Variants in YAF2 observed in about 807,000 individuals in gnomAD.
YAF2 encodes the protein YY1-associated factor 2.
YAF2 carries 7 observed loss-of-function variants against 20.1 expected under a neutral mutation model. That is an observed-to-expected ratio of 0.35 (90% CI 0.20 to 0.65). The LOEUF is 0.65. Among genes scored for constraint, YAF2 ranks in the 30% least tolerant of loss-of-function variants. The pLI is 0.69. For missense variants in YAF2, 151 were observed against 219.2 expected (o/e 0.69, Z 1.96); for synonymous variants, 74 against 76.0 (o/e 0.97, Z 0.14).
intron 2 of YAF2, among the ~76,000 whole-genome samples, chr12:42,189,404 A>G (rs2066555769): frequency 6.6e-6 from 1 of 152,226 alleles, no homozygotes; most frequent in African/African-American, 2.4e-5. Context: ...GTTTTTGCAG[A>G]TATTTGAAAT....
At chr12:42,236,487 G>A (rs1259814091) in intron 2 of YAF2, among the ~76,000 whole-genome samples, 1 of 152,150 alleles carries the variant, frequency 6.6e-6, no homozygotes, top group Non-Finnish European at 1.5e-5. Flanking sequence ...CAAAACCAGC[G>A]AGCTTCACTG....
intron 2 of YAF2, among the ~76,000 whole-genome samples, chr12:42,169,527 T>C (rs712114): frequency 0.7 from 105,919 of 151,680 alleles, 38,029 homozygotes; most frequent in African/African-American, 0.86. Flanking sequence ...AATCCTCCCC[T>C]CTCAGCCTCC....
At chr12:42,193,859 C>A (rs1207643184) in intron 2 of YAF2, among the ~76,000 whole-genome samples, 1 of 152,162 alleles carries the variant, frequency 6.6e-6, no homozygotes, top group Non-Finnish European at 1.5e-5. Flanking sequence ...TCCTGAAGAC[C>A]TTCCAGTGGG....
At chr12:42,162,596 T>A (rs1274605997) in intron 2 of YAF2, among the ~76,000 whole-genome samples, 1 of 152,214 alleles carries the variant, frequency 6.6e-6, no homozygotes, top group Non-Finnish European at 1.5e-5. Context: ...AAATACATTT[T>A]AACAGATGCT....
intron 2 of YAF2, chr12:42,210,559 T>C (rs2067178147): frequency 6.5e-7 from 1 of 1,536,060 alleles, no homozygotes; most frequent in Non-Finnish European, 8.7e-7. Context: ...TTCCTGAAAT[T>C]GGAAATTTCA....
At chr12:42,195,073 C>T (rs780470180) in intron 2 of YAF2, among the ~76,000 whole-genome samples, 8 of 152,048 alleles carry the variant, frequency 5.3e-5, no homozygotes, top group African/African-American at 9.7e-5. Flanking sequence ...TACAGTTCAG[C>T]GTGAGAAACA....
chr12:42,218,841 C>A (rs996345372), intron 2 of YAF2, among the ~76,000 whole-genome samples: 23 of 151,222 alleles, frequency 1.5e-4, no homozygotes, highest in African/African-American at 5.1e-4. Flanking sequence ...TTAAAAAAAA[C>A]AAATGTGTCT....
chr12:42,205,794 C>A, intron 2 of YAF2: 2 of 237,484 alleles, frequency 8.4e-6, no homozygotes, highest in African/African-American at 2.3e-5. Flanking sequence ...TATTTTCAAT[C>A]TTTCAATCTA....
At chr12:42,166,984 T>C (rs1383050441) in intron 2 of YAF2, among the ~76,000 whole-genome samples, 1 of 152,160 alleles carries the variant, frequency 6.6e-6, no homozygotes, top group East Asian at 1.9e-4. Flanking sequence ...TATTTTGGTC[T>C]CTTTTTAATA....
At chr12:42,190,255 G>A (rs2066579803) in intron 2 of YAF2, among the ~76,000 whole-genome samples, 1 of 152,126 alleles carries the variant, frequency 6.6e-6, no homozygotes, top group Non-Finnish European at 1.5e-5. Flanking sequence ...GAGGAAGGAT[G>A]ATCTCTTGAG....
intron 2 of YAF2, among the ~76,000 whole-genome samples, chr12:42,178,277 A>T (rs74591832): frequency 0.046 from 7,051 of 152,242 alleles, 267 homozygotes; most frequent in East Asian, 0.15. Context: ...AAATTACTAT[A>T]CTTGGGCCCC....
At chr12:42,234,333 TTAC>T in intron 2 of YAF2, 1 of 985,468 alleles carries the variant, frequency 1.0e-6, no homozygotes, top group African/African-American at 1.7e-5. Context: ...AGTTTGACAT[TTAC>T]TACTGTTTCT....
At chr12:42,235,760 TA>T (rs761958080) in intron 2 of YAF2, 33,643 of 788,276 alleles carry the variant, frequency 0.043, no homozygotes, top group South Asian at 0.07. Context: ...GATGTACTGG[TA>T]AAAAAAAAAA....
At chr12:42,179,789 C>CAAAAAAAAAA (rs71084622) in intron 2 of YAF2, among the ~76,000 whole-genome samples, 23 of 85,124 alleles carry the variant, frequency 2.7e-4, no homozygotes, top group Admixed American at 4.4e-4. Flanking sequence ...GTCTAAAAGG[C>CAAAAAAAAAA]AAAAAAAAAA....
intron 2 of YAF2, chr12:42,235,168 T>A: frequency 1.0e-6 from 1 of 989,734 alleles, no homozygotes; most frequent in Non-Finnish European, 1.2e-6. Flanking sequence ...AAATCCCATC[T>A]GTGCGTCACA....
In YAF2 at chr12:42,158,669, T is replaced by G. The variant is rs139145262; in HGVS notation, c.*1920A>C. 326 of 152,336 alleles carry G rather than the reference T, an allele frequency of 2.1e-3. 3 individuals are homozygous for G. The highest frequency in any genetic ancestry group is 7.3e-3 in the African/African-American group (304 of 41,582). The allele number at this position is 152,336 out of a possible 1,614,324, so 9.4% of individuals were successfully genotyped here. A position where few individuals can be genotyped will look rare whatever the true frequency, so the allele number is the denominator to read the frequency against. On this transcript the variant is annotated 3_prime_UTR_variant, in exon 4 of 4. Transcript: ENST00000534854. ...CCATGCTACACCGTGTTCCCGTCTA[T>G]GTAGAAAGATGAGTATCTTCCCACC... is the stretch of plus-strand genomic sequence containing the variant.
chr12:42,218,185 A>AACACACAC (rs71883885), intron 2 of YAF2, among the ~76,000 whole-genome samples: 5,183 of 140,598 alleles, frequency 0.037, 143 homozygotes, highest in Admixed American at 0.09. Context: ...GCTACTAGGA[A>AACACACAC]ACACACACAC....
chr12:42,210,404 T>C (rs1432139634), intron 2 of YAF2: 3 of 1,533,084 alleles, frequency 2.0e-6, no homozygotes, highest in African/African-American at 2.7e-5. Flanking sequence ...GATCCACCTC[T>C]CTTGCCCTTC....
intron 2 of YAF2, among the ~76,000 whole-genome samples, chr12:42,206,608 TA>T (rs59450062): frequency 3.2e-3 from 426 of 134,992 alleles, no homozygotes; most frequent in Middle Eastern, 3.8e-3. Context: ...GACTCCATAT[TA>T]AAAAAAAAAA....
Sources: gnomAD v4.1 joint callset for allele counts (sites outside exome capture counted in the v4.1 genomes callset) on GRCh38, gnomAD v4.1.1 for gene constraint, MANE v1.5 for transcripts, NCBI Gene and HGNC (gene_info 2026-07-23, HGNC 2026-07-21) for gene names.